VAV2: variants seen among roughly 807,000 people sequenced by gnomAD.
VAV2 encodes guanine nucleotide exchange factor VAV2.
VAV2 carries 67 observed loss-of-function variants against 132.5 expected under a neutral mutation model. That is an observed-to-expected ratio of 0.51 (90% CI 0.42 to 0.62). The LOEUF (loss-of-function observed/expected upper bound fraction) is 0.62, where lower values mean the gene tolerates loss of function less well. Ranked by LOEUF, VAV2 falls within the 20% of genes least tolerant of loss-of-function variation. The probability of loss-of-function intolerance (pLI) is 0.00; values close to 1 mark genes in which losing one functional copy is unlikely to be tolerated. For missense variants in VAV2, 938 were observed against 1,153.6 expected (o/e 0.81, Z 2.71); for synonymous variants, 492 against 443.5 (o/e 1.11, Z -1.37).
intron 2 of VAV2, among the ~76,000 whole-genome samples, chr9:133,899,085 T>C (rs1839337967): frequency 6.6e-6 from 1 of 151,416 alleles, no homozygotes; most frequent in Non-Finnish European, 1.5e-5. Context: ...CCTCCCAAAG[T>C]GCTGGGATTA....
At chr9:133,860,730 G>C (rs751120661) in intron 3 of VAV2, among the ~76,000 whole-genome samples, 2 of 152,138 alleles carry the variant, frequency 1.3e-5, no homozygotes, top group Non-Finnish European at 2.9e-5. Flanking sequence ...CACCCAATCA[G>C]GAACCTGGTC....
At position 133,788,329 on chromosome 9, in the gene VAV2, G is replaced by A. The variant is rs1194634220; in HGVS notation, c.1407+25C>T. 6.3e-7 allele frequency: 1 copy of A among 1,587,094 alleles called. No homozygotes were observed. Among genetic ancestry groups the A allele is most frequent in the Non-Finnish European group, 8.6e-7 (1 of 1,158,442 alleles). ...CAGGCCACCCCCACGTTCCTGGGTAGCAGGGGGGACCCGGAAGGCCCCACC... is the reference window on the plus strand; with the variant it reads ...CAGGCCACCCCCACGTTCCTGGGTAACAGGGGGGACCCGGAAGGCCCCACC... On this transcript the variant is annotated intron_variant, in intron 15 of 29. Coordinates refer to ENST00000371850, the MANE Select transcript of VAV2 (RefSeq NM_001134398.2). This position sits in a 1 kb window ranked among gnomAD's most constrained non-coding sequence, Gnocchi z 5.3.
At chr9:133,835,966 C>T (rs1310489152) in intron 3 of VAV2, among the ~76,000 whole-genome samples, 1 of 152,222 alleles carries the variant, frequency 6.6e-6, no homozygotes, top group Non-Finnish European at 1.5e-5. Flanking sequence ...GCCACTCTCC[C>T]TCCTTCCACC....
At chr9:133,974,485 TG>T (rs1375252451) in intron 1 of VAV2, among the ~76,000 whole-genome samples, 1 of 152,108 alleles carries the variant, frequency 6.6e-6, no homozygotes, top group Non-Finnish European at 1.5e-5. Context: ...GCTTTTGCGC[TG>T]GGCCAAACAC....
intron 1 of VAV2, among the ~76,000 whole-genome samples, chr9:133,956,460 TTTG>T (rs2132204767): frequency 6.6e-6 from 1 of 152,330 alleles, no homozygotes; most frequent in East Asian, 1.9e-4. Context: ...CTTCTTTTGC[TTTG>T]TTTTGTTTCG....
rs140593731 is a variant in VAV2 at position 133,824,018 on chromosome 9, C to T, written c.449+10254G>A. ...GAGCAGGGTTTCGAGGTCACTGAAG[C>T]CCCCAGCCACGTGGCAGCAGGGCCT... On this transcript the variant is annotated intron_variant, in intron 4 of 29. Transcript: ENST00000371850. The surrounding 1 kb of genome is among the most constrained non-coding windows in gnomAD (Gnocchi z 5.2). Among the ~76,000 whole-genome samples, 210 of 152,224 alleles carry T rather than the reference C, an allele frequency of 1.4e-3. 4 individuals carry two copies. In the East Asian group the frequency reaches 0.036, roughly 26 times the overall value.
At chr9:133,897,731 C>T (rs535270940) in intron 2 of VAV2, among the ~76,000 whole-genome samples, 8 of 152,150 alleles carry the variant, frequency 5.3e-5, no homozygotes, top group African/African-American at 1.4e-4. Flanking sequence ...ATTTCCAAGT[C>T]GCCTAAGGTC....
At position 133,763,939 on chromosome 9, in the gene VAV2, G is replaced by A. The variant is rs1833348855; in HGVS notation, c.*123C>T. On this transcript the variant is annotated 3_prime_UTR_variant, in exon 30 of 30. Transcript: ENST00000371850. The surrounding 1 kb of genome is among the most constrained non-coding windows in gnomAD (Gnocchi z 6.8). ...GATTCTCAACACCCTCCCTATCCCT[G>A]TGGGCAGTGGAAGACTGGGAGGTTG... The A allele has an allele frequency of 8.4e-7, 1 of 1,193,062 alleles. No homozygotes were observed. Among genetic ancestry groups the A allele is most frequent in the Admixed American group, 1.8e-5 (1 of 56,450 alleles). The allele number at this position is 1,193,062 out of a possible 1,614,324, so 73.9% of individuals were successfully genotyped here.
chr9:133,974,220 T>C (rs1210470098), intron 1 of VAV2, among the ~76,000 whole-genome samples: 2 of 151,926 alleles, frequency 1.3e-5, no homozygotes, highest in Admixed American at 1.3e-4. Flanking sequence ...CAGGGCTGCC[T>C]GTCTGCCCGG....
chr9:133,871,092 GTGGA>G (rs1274266062), intron 2 of VAV2, among the ~76,000 whole-genome samples: 5 of 150,616 alleles, frequency 3.3e-5, no homozygotes, highest in Admixed American at 6.6e-5. Context: ...GCGTGGGTGG[GTGGA>G]TGGATGGATG....
In VAV2 at chr9:133,777,483, G is replaced by A. The variant is rs759601662; in HGVS notation, c.1891-20C>T. The A allele has an allele frequency of 6.2e-6, 10 of 1,612,660 alleles. No homozygotes were observed. The highest frequency in any genetic ancestry group is 3.3e-4 in the Middle Eastern group (2 of 6,080). On this transcript the variant is annotated intron_variant, in intron 22 of 29. Transcript: ENST00000371850. ...ACGACCCTGGCAGAGGAAAGAGATG[G>A]TTAGGACAAGGGGGCCGAGCCTGGC...
chr9:133,776,801 G>C (rs138099624), intron 23 of VAV2, among the ~76,000 whole-genome samples: 1 of 152,262 alleles, frequency 6.6e-6, no homozygotes, highest in Non-Finnish European at 1.5e-5. Flanking sequence ...TGCCGCAGTG[G>C]GGTTGGGAAC....
chr9:133,966,798 G>C (rs1842154179), intron 1 of VAV2, among the ~76,000 whole-genome samples: 1 of 152,140 alleles, frequency 6.6e-6, no homozygotes, highest in Non-Finnish European at 1.5e-5. Context: ...ACTCTGGGAG[G>C]CCGTGGCGGG....
chr9:133,896,793 C>T (rs1252461135), intron 2 of VAV2, among the ~76,000 whole-genome samples: 1 of 151,034 alleles, frequency 6.6e-6, no homozygotes, highest in African/African-American at 2.4e-5. Context: ...GCTTAAGAAA[C>T]TTCAAAAAAA....
rs1834309618 is a variant in VAV2 at position 133,788,224 on chromosome 9, C to T, written c.1407+130G>A. Reference sequence around the variant, plus strand: ...GAGCCTTCCTGCAGAGCGGAGACGCCCACCCCAACCCACCCGGCCAGCATC... The same window carrying T: ...GAGCCTTCCTGCAGAGCGGAGACGCTCACCCCAACCCACCCGGCCAGCATC... On this transcript the variant is annotated intron_variant, in intron 15 of 29. Transcript: ENST00000371850. The surrounding 1 kb of genome is among the most constrained non-coding windows in gnomAD (Gnocchi z 5.3). 1.7e-6 allele frequency: 1 copy of T among 593,084 alleles called. No individual in the cohort carries two copies. The highest frequency in any genetic ancestry group is 1.9e-5 in the African/African-American group (1 of 53,880). 36.7% of individuals were successfully genotyped at this position (593,084 alleles called of 1,614,324 possible). A position where few individuals can be genotyped will look rare whatever the true frequency, so the allele number is the denominator to read the frequency against.
intron 1 of VAV2, among the ~76,000 whole-genome samples, chr9:133,964,789 C>G (rs1842092455): frequency 1.3e-5 from 2 of 151,990 alleles, no homozygotes; most frequent in South Asian, 4.2e-4. Context: ...GGATAAAAAC[C>G]CTCAAAAATC....
In VAV2 at chr9:133,784,435, A is replaced by T. The variant is rs201508590; in HGVS notation, c.1533-17T>A. 4.7e-5 allele frequency: 76 copies of T among 1,613,664 alleles called. No individual in the cohort carries two copies. The East Asian group carries it at 1.5e-3, about 33-fold the overall frequency. ...ATGTTTGACCTGGCAGGAGGGAAAG[A>T]GAGCAGATGCTACACCCACTGGATT... On this transcript the variant is annotated splice_polypyrimidine_tract_variant and intron_variant, in intron 17 of 29. Transcript: ENST00000371850.
rs180802886 is a variant in VAV2, at chr9:133,822,702, C to T, written c.450-10486G>A. ...GCTACCAGATTCCCGGAAGGAGACCCGTCCACCGGACTGTCCCTCCTGGCC... is the reference window on the plus strand; with the variant it reads ...GCTACCAGATTCCCGGAAGGAGACCTGTCCACCGGACTGTCCCTCCTGGCC... On this transcript the variant is annotated intron_variant, in intron 4 of 29. Transcript: ENST00000371850. Among the ~76,000 whole-genome samples, 790 of 152,298 alleles carry T rather than the reference C, an allele frequency of 5.2e-3. 7 individuals are homozygous for T. Among genetic ancestry groups the T allele is most frequent in the African/African-American group, 0.018 (745 of 41,560 alleles).
rs145509024 is a variant in VAV2, at chr9:133,808,113, C to T, written c.667-787G>A. On this transcript the variant is annotated intron_variant, in intron 7 of 29. Transcript: ENST00000371850. ...CCTGCTTTCTGCAGCAGCATTTAGC[C>T]ATGGAGGGATACAGAGGCCAGCAGG... 3.8e-3 allele frequency among the ~76,000 whole-genome samples: 577 copies of T among 152,370 alleles called. 2 individuals carry two copies. The highest frequency in any genetic ancestry group is 0.013 in the African/African-American group (547 of 41,588).
Sources: gnomAD v4.1 joint callset for allele counts (sites outside exome capture counted in the v4.1 genomes callset) on GRCh38, gnomAD v4.1.1 for gene constraint, Gnocchi (gnomAD v3.1) non-coding constraint, MANE v1.5 for transcripts, NCBI Gene and HGNC (gene_info 2026-07-23, HGNC 2026-07-21) for gene names.